The following FSTL5 variants were observed in gnomAD, a reference collection of about 807,000 sequenced individuals.
FSTL5 encodes follistatin-related protein 5.
A neutral mutation model predicts 89.1 loss-of-function variants in FSTL5; 62 were observed. The observed-to-expected ratio is 0.70, with a 90% CI of 0.57 to 0.86. FSTL5 has a LOEUF of 0.86. Among genes scored for constraint, FSTL5 ranks in the 40% least tolerant of loss-of-function variants. FSTL5 has a pLI of 0.00. For missense variants in FSTL5, 1,057 were observed against 1,001.6 expected (o/e 1.06, Z -0.75); for synonymous variants, 383 against 346.2 (o/e 1.11, Z -1.18).
At position 161,914,047 on chromosome 4, in the gene FSTL5, G is replaced by T. The variant is rs182700476; in HGVS notation, c.409+6357C>A. ...AACATGAGATTTGGAGGGACCAGGG[G>T]TGGAATGATATGGTTTAGCTGTGTC... On this transcript the variant is annotated intron_variant, in intron 4 of 15. Coordinates refer to ENST00000306100, the MANE Select transcript of FSTL5 (RefSeq NM_020116.5). Among the ~76,000 whole-genome samples, 51 of 152,218 alleles carry T rather than the reference G, an allele frequency of 3.4e-4. 1 individual carries two copies. The East Asian group carries it at 8.0e-3, about 24-fold the overall frequency.
chr4:161,415,456 T>C lies in FSTL5; in HGVS notation c.1842-29007A>G, dbSNP rs567081011. 4.6e-5 allele frequency among the ~76,000 whole-genome samples: 7 copies of C among 152,168 alleles called. No homozygotes were observed. In the South Asian group the frequency reaches 1.2e-3, roughly 27 times the overall value. ...GATTTGTAGAGATGGTGTTTCACCA[T>C]GTTGGCCAGGCTGGTCTCGAACTCC... On this transcript the variant is annotated intron_variant, in intron 15 of 15. Coordinates refer to ENST00000306100, the MANE Select transcript of FSTL5 (RefSeq NM_020116.5).
chr4:162,091,536 C>T (rs1397331217), intron 2 of FSTL5, among the ~76,000 whole-genome samples: 8 of 152,138 alleles, frequency 5.3e-5, no homozygotes, highest in African/African-American at 1.4e-4. Flanking sequence ...CCCAGTTAAC[C>T]TGGCAAACAG....
chr4:161,726,239 T>C (rs554169233), intron 6 of FSTL5, among the ~76,000 whole-genome samples: 3 of 147,452 alleles, frequency 2.0e-5, no homozygotes, highest in African/African-American at 7.5e-5. Context: ...TTTTTTTTTT[T>C]TTTTTGAGAC....
Position 161,421,574 on chromosome 4 carries a change from G to A in FSTL5, c.1841+33430C>T, listed in dbSNP as rs187458841. ...GGACCTGTGATGCTTAATTTTATGTGTTGACTTGACTGGAACACAGGATCC... is the reference window on the plus strand; with the variant it reads ...GGACCTGTGATGCTTAATTTTATGTATTGACTTGACTGGAACACAGGATCC... On this transcript the variant is annotated intron_variant, in intron 15 of 15. Coordinates refer to ENST00000306100, the MANE Select transcript of FSTL5 (RefSeq NM_020116.5). Among the ~76,000 whole-genome samples, 30 of 152,258 alleles carry A rather than the reference G, an allele frequency of 2.0e-4. No homozygotes were observed. In the East Asian group the frequency reaches 4.3e-3, roughly 22 times the overall value.
At chr4:161,943,048 G>A (rs1734634672) in intron 3 of FSTL5, among the ~76,000 whole-genome samples, 1 of 151,872 alleles carries the variant, frequency 6.6e-6, no homozygotes, top group Admixed American at 6.6e-5. Flanking sequence ...ATACAAAATG[G>A]AAATGGAATT....
chr4:161,636,465 T>C (rs1444681342), intron 7 of FSTL5, among the ~76,000 whole-genome samples: 2 of 150,464 alleles, frequency 1.3e-5, no homozygotes, highest in South Asian at 2.1e-4. Flanking sequence ...TTTTTCTTTT[T>C]TTTTTTTTTA....
chr4:161,679,100 T>A (rs1434381771), intron 6 of FSTL5, among the ~76,000 whole-genome samples: 4 of 151,704 alleles, frequency 2.6e-5, no homozygotes, highest in Non-Finnish European at 5.9e-5. Context: ...ATTTTAAAGA[T>A]CTTAAGTAAT....
intron 6 of FSTL5, among the ~76,000 whole-genome samples, chr4:161,720,562 T>C (rs1031771461): frequency 1.3e-5 from 2 of 152,210 alleles, no homozygotes; most frequent in African/African-American, 4.8e-5. Flanking sequence ...TCTATACTCC[T>C]ATGTTCATTA....
intron 7 of FSTL5, among the ~76,000 whole-genome samples, chr4:161,609,620 A>AT (rs879517846): frequency 6.1e-5 from 9 of 148,180 alleles, no homozygotes; most frequent in South Asian, 2.1e-4. Flanking sequence ...AATGGTCTAA[A>AT]TTTTTTTTTT....
chr4:161,609,202 G>T (rs897969509), intron 7 of FSTL5, among the ~76,000 whole-genome samples: 1 of 151,978 alleles, frequency 6.6e-6, no homozygotes, highest in African/African-American at 2.4e-5. Flanking sequence ...ATAAATTAAT[G>T]AATACATTAA....
At chr4:162,054,747 A>G (rs1738483163) in intron 2 of FSTL5, among the ~76,000 whole-genome samples, 1 of 151,760 alleles carries the variant, frequency 6.6e-6, no homozygotes, top group African/African-American at 2.4e-5. Flanking sequence ...TGCCAGCTTG[A>G]AGACAAAGGA....
chr4:161,540,741 T>A (rs950046024), intron 9 of FSTL5, among the ~76,000 whole-genome samples: 1 of 152,134 alleles, frequency 6.6e-6, no homozygotes, highest in Non-Finnish European at 1.5e-5. Context: ...ATTTTTGTAT[T>A]TCTTGTCTCC....
intron 15 of FSTL5, among the ~76,000 whole-genome samples, chr4:161,422,772 C>T (rs1254097469): frequency 6.7e-6 from 1 of 148,584 alleles, no homozygotes; most frequent in Non-Finnish European, 1.5e-5. Context: ...AATCATACCA[C>T]AATGCATCAC....
At chr4:161,424,417 T>C (rs1491003262) in intron 15 of FSTL5, among the ~76,000 whole-genome samples, 1 of 151,944 alleles carries the variant, frequency 6.6e-6, no homozygotes, top group Non-Finnish European at 1.5e-5. Flanking sequence ...AGTTTTTTTT[T>C]TTTAGGTTTT....
intron 3 of FSTL5, among the ~76,000 whole-genome samples, chr4:161,968,388 T>C (rs1735384668): frequency 6.6e-6 from 1 of 152,160 alleles, no homozygotes. Context: ...GTGATAACTA[T>C]GTCTATAAAA....
chr4:161,417,814 C>T (rs914367651), intron 15 of FSTL5, among the ~76,000 whole-genome samples: 2 of 152,156 alleles, frequency 1.3e-5, no homozygotes, highest in South Asian at 2.1e-4. Flanking sequence ...AAAAGAGATG[C>T]TAATGGATAC....
At position 161,744,577 on chromosome 4, in the gene FSTL5, T is replaced by C. The variant is rs115793343; in HGVS notation, c.727+14834A>G. Among the ~76,000 whole-genome samples, 922 of 152,202 alleles carry C rather than the reference T, an allele frequency of 6.1e-3. 10 individuals are homozygous for C. The highest frequency in any genetic ancestry group is 0.02 in the African/African-American group (835 of 41,528). ...CAGCAGAAGCAGTTTCTGTTGGGGATGTGACAAGGAATTCATCCACTGCTA... is the reference window on the plus strand; with the variant it reads ...CAGCAGAAGCAGTTTCTGTTGGGGACGTGACAAGGAATTCATCCACTGCTA... On this transcript the variant is annotated intron_variant, in intron 6 of 15. Transcript: ENST00000306100.
chr4:161,975,504 CA>C (rs1314925479), intron 3 of FSTL5, among the ~76,000 whole-genome samples: 17 of 143,614 alleles, frequency 1.2e-4, no homozygotes, highest in South Asian at 2.2e-4. Context: ...ATCACAAGAA[CA>C]AAAAACCAAA....
At chr4:162,153,629 TATA>T (rs1477632276) in intron 1 of FSTL5, among the ~76,000 whole-genome samples, 15 of 72,258 alleles carry the variant, frequency 2.1e-4, no homozygotes, top group East Asian at 1.6e-3. Flanking sequence ...TATATATGTA[TATA>T]ATAATATATG....
Sources: gnomAD v4.1 joint callset for allele counts (sites outside exome capture counted in the v4.1 genomes callset) on GRCh38, gnomAD v4.1.1 for gene constraint, MANE v1.5 for transcripts, NCBI Gene and HGNC (gene_info 2026-07-23, HGNC 2026-07-21) for gene names.